Variants in BDNF observed in about 807,000 individuals in gnomAD.
The protein encoded by BDNF is neurotrophic factor BDNF precursor form.
A neutral mutation model predicts 19.5 loss-of-function variants in BDNF; 1 was observed. The observed-to-expected ratio is 0.05, with a 90% CI of 0.02 to 0.24. BDNF has a LOEUF of 0.24. Among genes scored for constraint, BDNF ranks in the 10% least tolerant of loss-of-function variants. BDNF has a pLI of 1.00. For synonymous variants in BDNF, 100 were observed against 121.6 expected, an observed-to-expected ratio of 0.82 and a Z score of 1.17; for missense variants, 195 against 317.6, an observed-to-expected ratio of 0.61 and a Z score of 2.93.
chr11:27,665,287 A>T (rs1385850420), intron 1 of BDNF: 1 of 152,276 alleles, frequency 6.6e-6, no homozygotes, highest in East Asian at 1.9e-4. Context: ...TGTAATAAAG[A>T]ACTTGGAAAG....
At chr11:27,721,286 G>A (rs1860733944) in intron 1 of BDNF, 1 of 1,130,316 alleles carries the variant, frequency 8.8e-7, no homozygotes, top group East Asian at 2.4e-5. Flanking sequence ...GTAAAAACCC[G>A]ATTCCCCTGG....
chr11:27,659,276 A>T (rs1853011144), intron 1 of BDNF: 1 of 994,322 alleles, frequency 1.0e-6, no homozygotes, highest in South Asian at 4.7e-5. Flanking sequence ...TCATGAAGAA[A>T]GTTTATGTTA....
intron 1 of BDNF, chr11:27,660,418 A>G (rs566667401): frequency 3.4e-6 from 1 of 297,298 alleles, no homozygotes; most frequent in South Asian, 3.1e-5. Context: ...TTCCGCTAAC[A>G]ACTAAATCTT....
At chr11:27,699,370 TA>T (rs776337486) in intron 1 of BDNF, 1 of 1,613,778 alleles carries the variant, frequency 6.2e-7, no homozygotes, top group Non-Finnish European at 8.5e-7. Context: ...TTTCCAGGAG[TA>T]ACTCACTCAC....
At chr11:27,667,084 C>A (rs1466595812) in intron 1 of BDNF, among the ~76,000 whole-genome samples, 1 of 152,172 alleles carries the variant, frequency 6.6e-6, no homozygotes, top group Non-Finnish European at 1.5e-5. Flanking sequence ...AGAAACTCTA[C>A]AAGCCAGAAG....
intron 1 of BDNF, chr11:27,699,523 A>G: frequency 1.8e-5 from 29 of 1,608,200 alleles, no homozygotes; most frequent in Non-Finnish European, 2.4e-5. Context: ...ATGGGTAGAG[A>G]TGTGGGTTCG....
chr11:27,720,672 C>G, intron 1 of BDNF: 1 of 985,444 alleles, frequency 1.0e-6, no homozygotes, highest in African/African-American at 1.7e-5. Flanking sequence ...CGGACAAATC[C>G]GTTGGCTCTG....
intron 1 of BDNF, among the ~76,000 whole-genome samples, chr11:27,712,985 A>G (rs1194285339): frequency 1.5e-5 from 2 of 134,896 alleles, no homozygotes; most frequent in Non-Finnish European, 3.1e-5. Context: ...TCGGCTTACT[A>G]CAGCCTCTGT....
chr11:27,686,279 C>T (rs145596917), intron 1 of BDNF, among the ~76,000 whole-genome samples: 2,418 of 152,180 alleles, frequency 0.016, 21 homozygotes, highest in Non-Finnish European at 0.023. Flanking sequence ...TTATTTTCAG[C>T]CTATGTGTGT....
At chr11:27,700,945 G>A (rs890028306), upstream of BDNF, 25 of 1,352,624 alleles carry the variant, frequency 1.8e-5, no homozygotes, top group Non-Finnish European at 2.5e-5. Context: ...GGGAGAGGGC[G>A]TGCGTTTCCC....
intron 1 of BDNF, chr11:27,674,117 C>G: frequency 2.5e-6 from 4 of 1,612,008 alleles, no homozygotes; most frequent in Non-Finnish European, 3.4e-6. Context: ...CGTGGAGGTA[C>G]ACAGCACAGC....
At chr11:27,679,197 T>C (rs910930397) in intron 1 of BDNF, among the ~76,000 whole-genome samples, 11 of 152,166 alleles carry the variant, frequency 7.2e-5, no homozygotes, top group Non-Finnish European at 1.5e-4. Flanking sequence ...TTGGGCCCCA[T>C]GTTGAGAAGC....
At chr11:27,721,872 A>C (rs996944073) in exon 1 of BDNF, 1 of 185,902 alleles carries the variant, frequency 5.4e-6, no homozygotes, top group African/African-American at 2.4e-5. Context: ...TAAAAAAAAA[A>C]ACTCAGCCTG....
At chr11:27,693,199 T>C (rs1858533787) in intron 1 of BDNF, among the ~76,000 whole-genome samples, 1 of 152,218 alleles carries the variant, frequency 6.6e-6, no homozygotes, top group African/African-American at 2.4e-5. Context: ...TGAAGAATTA[T>C]TAGCTTCTCC....
intron 1 of BDNF, among the ~76,000 whole-genome samples, chr11:27,686,365 G>C (rs1049667261): frequency 2.0e-5 from 3 of 150,536 alleles, no homozygotes; most frequent in African/African-American, 7.3e-5. Context: ...GCCAGTCTGT[G>C]GTCTTTTAAT....
chr11:27,721,432 G>A (rs947920781), exon 1 of BDNF: 2 of 1,613,944 alleles, frequency 1.2e-6, no homozygotes, highest in Admixed American at 3.3e-5. Context: ...TTGCTGTCCT[G>A]GAGACTCAAG....
intron 1 of BDNF, among the ~76,000 whole-genome samples, chr11:27,665,072 T>G (rs1854085355): frequency 6.6e-6 from 1 of 152,228 alleles, no homozygotes; most frequent in African/African-American, 2.4e-5. Context: ...CCTGTAAAAG[T>G]TTAACCTCTT....
chr11:27,684,591 TGA>T (rs1857246825), intron 1 of BDNF, among the ~76,000 whole-genome samples: 1 of 152,202 alleles, frequency 6.6e-6, no homozygotes, highest in South Asian at 2.1e-4. Flanking sequence ...CCTAGTTTAT[TGA>T]GAGTTTTTAG....
intron 1 of BDNF, chr11:27,674,083 T>A (rs374758100): frequency 1.9e-6 from 3 of 1,609,070 alleles, no homozygotes; most frequent in Non-Finnish European, 2.5e-6. Context: ...TTTTCAGGGA[T>A]CAGTTTGTTA....
Sources: allele counts gnomAD v4.1 joint callset (sites outside exome capture counted in the v4.1 genomes callset), GRCh38; gene constraint gnomAD v4.1.1; transcripts MANE v1.5; gene names NCBI Gene and HGNC (gene_info 2026-07-23, HGNC 2026-07-21).